Variants in FAM120B observed in about 807,000 individuals in gnomAD.
FAM120B encodes the protein family with sequence similarity 120 member B, also known as constitutive coactivator of peroxisome proliferator-activated receptor gamma.
In FAM120B, 83 loss-of-function variants were observed where a neutral mutation model predicts 96.3. The ratio of observed to expected loss-of-function variants is 0.86; its 90% CI spans 0.72 to 1.03. The LOEUF (loss-of-function observed/expected upper bound fraction) is 1.03, where lower values mean the gene tolerates loss of function less well. FAM120B is among the 50% of genes least tolerant of loss of function. The pLI is 0.00. For missense variants in FAM120B, 1,027 were observed against 1,121.2 expected, an observed-to-expected ratio of 0.92 and a Z score of 1.20; for synonymous variants, 407 against 402.7, an observed-to-expected ratio of 1.01 and a Z score of -0.13.
intron 6 of FAM120B, among the ~76,000 whole-genome samples, chr6:170,374,333 A>G (rs1789385004): frequency 6.6e-6 from 1 of 152,198 alleles, no homozygotes; most frequent in African/African-American, 2.4e-5. Context: ...GAGCATGGAA[A>G]GTTTGGTTGA....
intron 6 of FAM120B, among the ~76,000 whole-genome samples, chr6:170,378,866 G>GA (rs1313757932): frequency 6.6e-6 from 1 of 152,174 alleles, no homozygotes; most frequent in Non-Finnish European, 1.5e-5. Context: ...GCTAAGACTT[G>GA]AAAAAATAAG....
chr6:170,372,802 A>G (rs1789278509), intron 6 of FAM120B, among the ~76,000 whole-genome samples: 1 of 152,120 alleles, frequency 6.6e-6, no homozygotes, highest in Admixed American at 6.5e-5. Context: ...GCCCAACTAC[A>G]ATCGGAAGAC....
Position 170,323,186 on chromosome 6 carries a change from C to T in FAM120B, c.1842C>T (p.Ala614=). 1 of 1,614,164 alleles carries T rather than the reference C, an allele frequency of 6.2e-7. No homozygotes were observed. Among genetic ancestry groups the T allele is most frequent in the Non-Finnish European group, 8.5e-7 (1 of 1,180,024 alleles). ...SNTLEDELDQ[A]LPSQAFIYRP... The stretch of plus-strand genomic sequence containing the variant: ...CCCTAGAAGATGAGCTTGACCAGGC[C>T]TTACCCAGCCAGGCCTTCATTTACC... The change falls in exon 3 of 11, where the codon GCC becomes GCT. Residue 614 remains alanine (A), a synonymous_variant. Coordinates refer to ENST00000476287, the MANE Select transcript of FAM120B (RefSeq NM_032448.3).
chr6:170,389,132 C>G (rs922153719), intron 7 of FAM120B, among the ~76,000 whole-genome samples: 1 of 152,160 alleles, frequency 6.6e-6, no homozygotes, highest in African/African-American at 2.4e-5. Flanking sequence ...TGTAAGTGAT[C>G]TATGCAGTTC....
intron 5 of FAM120B, 141 bp downstream of exon 5, chr6:170,348,464 T>C (rs1394200076): frequency 5.9e-6 from 4 of 680,698 alleles, no homozygotes; most frequent in Admixed American, 3.2e-5. Flanking sequence ...TCCTTTGAAG[T>C]GCTCTAAAAA....
chr6:170,330,351 C>G (rs1785931026), intron 3 of FAM120B, 98 bp from the exon 4 acceptor site: 1 of 815,022 alleles, frequency 1.2e-6, no homozygotes, highest in African/African-American at 1.7e-5. Flanking sequence ...TGAGAGCTCA[C>G]CTTTGAATTG....
chr6:170,320,289 TGGA>T (rs1785202803), intron 2 of FAM120B, among the ~76,000 whole-genome samples: 2 of 152,204 alleles, frequency 1.3e-5, no homozygotes, highest in African/African-American at 4.8e-5. Flanking sequence ...TGGTGATACC[TGGA>T]GGGCAGCCAT....
intron 5 of FAM120B, 94 bp from the exon 6 acceptor site, chr6:170,358,132 A>G (rs1324024401): frequency 4.6e-6 from 5 of 1,092,512 alleles, no homozygotes; most frequent in African/African-American, 3.1e-5. Context: ...GTTTGCGCCT[A>G]TACACACACT....
At position 170,363,263 on chromosome 6, in the gene FAM120B, C is replaced by A. The variant is rs1457737371; in HGVS notation, c.2283+4945C>A. On this transcript the variant is annotated intron_variant, in intron 6 of 10. Coordinates refer to ENST00000476287, the MANE Select transcript of FAM120B (RefSeq NM_032448.3). This position sits in a 1 kb window ranked among gnomAD's most constrained non-coding sequence, Gnocchi z 4.5. ...CCTCATAGCTAATCATTGGGAAGTT[C>A]TTGGTCATTTTTTGGTTGGAAAATT... is the stretch of plus-strand genomic sequence containing the variant. 6.6e-6 allele frequency among the ~76,000 whole-genome samples: 1 copy of A among 152,160 alleles called. No homozygotes were observed. Among genetic ancestry groups the A allele is most frequent in the African/African-American group, 2.4e-5 (1 of 41,428 alleles).
rs1190111947 is a variant in FAM120B, at chr6:170,330,461, C to A, written c.1928C>A (p.Thr643Asn). ...LLEDCQDVTSTCLAVKEWFVY... is the reference protein window; with the variant it reads ...LLEDCQDVTSNCLAVKEWFVY... ...TCTTTTTCTTCAGATGTCACCAGCA[C>A]CTGCCTAGCTGTCAAGGAGTGGTTT... is the stretch of plus-strand genomic sequence containing the variant. Residue 643 changes from threonine (T) to asparagine (N), a missense_variant, in exon 4 of 11, where the codon ACC becomes AAC. By Grantham distance (65) the Thr-to-Asn change is moderately conservative. This residue lies in a region of FAM120B where 880 missense variants were observed against 980.9 expected (regional missense o/e 0.90). Transcript: ENST00000476287. The A allele has an allele frequency of 6.8e-6, 11 of 1,613,948 alleles. No individual in the cohort carries two copies. In the Admixed American group the frequency reaches 1.8e-4, roughly 27 times the overall value.
chr6:170,361,222 A>ACACG (rs1329669151), intron 6 of FAM120B, among the ~76,000 whole-genome samples: 28 of 102,000 alleles, frequency 2.7e-4, no homozygotes, highest in African/African-American at 6.4e-4. Context: ...ATATATATAT[A>ACACG]TATATATATA....
chr6:170,311,961 G>A (rs1019534338), intron 1 of FAM120B, among the ~76,000 whole-genome samples: 6 of 152,126 alleles, frequency 3.9e-5, no homozygotes, highest in East Asian at 1.9e-4. Flanking sequence ...ACAAGGATGC[G>A]TTTCATATTC....
At chr6:170,299,922 C>G (rs1471260095) in intron 1 of FAM120B, among the ~76,000 whole-genome samples, 1 of 152,206 alleles carries the variant, frequency 6.6e-6, no homozygotes, top group East Asian at 1.9e-4. Context: ...GACATCTTCA[C>G]CATTACAATG....
intron 1 of FAM120B, among the ~76,000 whole-genome samples, chr6:170,296,880 A>C (rs1247591236): frequency 6.6e-6 from 1 of 152,130 alleles, no homozygotes; most frequent in Non-Finnish European, 1.5e-5. Context: ...TGGAAATCGC[A>C]GCCTGTGACT....
At chr6:170,298,730 T>C (rs1165444666) in intron 1 of FAM120B, among the ~76,000 whole-genome samples, 1 of 152,176 alleles carries the variant, frequency 6.6e-6, no homozygotes, top group Non-Finnish European at 1.5e-5. Context: ...CTTATTCCTG[T>C]TAATAAGCTG....
intron 9 of FAM120B, among the ~76,000 whole-genome samples, chr6:170,399,125 G>A (rs1481991091): frequency 6.8e-6 from 1 of 147,056 alleles, no homozygotes; most frequent in East Asian, 2.0e-4. Flanking sequence ...TAACTCTTAG[G>A]AGTGAGTGAG....
chr6:170,318,403 G>A lies in FAM120B; in HGVS notation c.1013G>A (p.Arg338Lys). The A allele has an allele frequency of 1.9e-6, 3 of 1,614,102 alleles. No homozygotes were observed. The highest frequency in any genetic ancestry group is 1.3e-5 in the African/African-American group (1 of 75,070). Residue 338 changes from arginine (R) to lysine (K), a missense_variant, in exon 2 of 11, where the codon AGG (arginine) becomes AAG (lysine). By Grantham distance (26) the Arg-to-Lys change is conservative (BLOSUM62 2). This residue lies in a region of FAM120B where 880 missense variants were observed against 980.9 expected (regional missense o/e 0.90). Coordinates refer to ENST00000476287, the MANE Select transcript of FAM120B (RefSeq NM_032448.3). The stretch of plus-strand genomic sequence containing the variant: ...TCCACGAGTTCAGACGCCGAATCCA[G>A]GGAAGAAGTTCCCATGTGTTCAGAT... ...VISTSSDAES[R>K]EEVPMCSDAE... is the part of the protein sequence containing the mutation.
intron 1 of FAM120B, among the ~76,000 whole-genome samples, chr6:170,311,448 G>C (rs575149556): frequency 1.1e-4 from 16 of 152,324 alleles, no homozygotes; most frequent in Admixed American, 7.8e-4. Context: ...TAATAGAGCA[G>C]ATGTTTTGAG....
chr6:170,342,058 G>A (rs1786875108), intron 4 of FAM120B, among the ~76,000 whole-genome samples: 1 of 152,242 alleles, frequency 6.6e-6, no homozygotes. Context: ...TCCCAAAACT[G>A]AAGACCTTGG....
Sources: allele counts gnomAD v4.1 joint callset (sites outside exome capture counted in the v4.1 genomes callset), GRCh38; gene constraint gnomAD v4.1.1; regional missense constraint gnomAD v4.1.1; non-coding constraint Gnocchi (gnomAD v3.1); transcripts MANE v1.5; gene names NCBI Gene and HGNC (gene_info 2026-07-23, HGNC 2026-07-21).